Variants in ANKRD12 observed in about 807,000 individuals in gnomAD.
ANKRD12 encodes ankyrin repeat domain 12.
Under a neutral mutation model 183.4 loss-of-function variants are expected in ANKRD12, and 85 were observed. That is an observed-to-expected ratio of 0.46 (90% CI 0.39 to 0.56). The LOEUF (loss-of-function observed/expected upper bound fraction) is 0.56. Among genes scored for constraint, ANKRD12 ranks in the 20% least tolerant of loss-of-function variants. The pLI, the probability that ANKRD12 is intolerant of heterozygous loss-of-function variation, is 0.00. For missense variants in ANKRD12, 2,405 were observed against 2,357.1 expected, an observed-to-expected ratio of 1.02 and a Z score of -0.42; for synonymous variants, 914 against 800.2, an observed-to-expected ratio of 1.14 and a Z score of -2.40.
chr18:9,175,131 T>C (rs895763384), intron 1 of ANKRD12, among the ~76,000 whole-genome samples: 2 of 152,080 alleles, frequency 1.3e-5, no homozygotes, highest in African/African-American at 4.8e-5. Context: ...ATTTTTTGTA[T>C]GACCAAAGCA....
chr18:9,171,700 A>G (rs1046575287), intron 1 of ANKRD12, among the ~76,000 whole-genome samples: 1 of 152,094 alleles, frequency 6.6e-6, no homozygotes, highest in African/African-American at 2.4e-5. Context: ...GTTTGGCTGG[A>G]TATGAAATTC....
In ANKRD12 at chr18:9,257,872, AGATACT is replaced by A; in HGVS notation, c.4610_4615del (p.Thr1537_Asp1538del). 1.2e-6 allele frequency: 2 copies of A among 1,613,732 alleles called. No homozygotes were observed. Among genetic ancestry groups the A allele is most frequent in the Non-Finnish European group, 1.7e-6 (2 of 1,179,906 alleles). On this transcript the variant is annotated inframe_deletion, in exon 9 of 13. Coordinates refer to ENST00000262126, the MANE Select transcript of ANKRD12 (RefSeq NM_015208.5). Reference sequence around the variant, plus strand: ...CAGTTCAGATTATTAGTTCTGCTTTAGATACTGATAATGAATCTACAAAAGATACAG... The same window carrying A: ...CAGTTCAGATTATTAGTTCTGCTTTAGATAATGAATCTACAAAAGATACAG...
intron 10 of ANKRD12, among the ~76,000 whole-genome samples, 184 bp downstream of exon 10, chr18:9,264,072 A>G (rs892924982): frequency 3.9e-5 from 6 of 152,174 alleles, no homozygotes; most frequent in African/African-American, 1.4e-4. Flanking sequence ...AGCTGCTCCC[A>G]TATTATAATT....
chr18:9,200,713 A>C (rs953809293), intron 3 of ANKRD12: 1 of 152,212 alleles, frequency 6.6e-6, no homozygotes, highest in African/African-American at 2.4e-5. Context: ...TGTGACCTTC[A>C]AGTGACATAG....
intron 6 of ANKRD12, among the ~76,000 whole-genome samples, chr18:9,214,719 G>A (rs946552444): frequency 1.2e-4 from 19 of 152,218 alleles, no homozygotes; most frequent in African/African-American, 4.6e-4. Flanking sequence ...CTGCAGCTGT[G>A]GTTACCTGCC....
At chr18:9,143,560 A>C (rs1451282132) in intron 1 of ANKRD12, among the ~76,000 whole-genome samples, 1 of 152,182 alleles carries the variant, frequency 6.6e-6, no homozygotes, top group Non-Finnish European at 1.5e-5. Context: ...TCCTGGTTTC[A>C]AGCGATTCTC....
intron 3 of ANKRD12, among the ~76,000 whole-genome samples, chr18:9,196,150 C>CACACACACAT (rs1567903991): frequency 1.5e-5 from 2 of 131,206 alleles, no homozygotes; most frequent in African/African-American, 6.2e-5. Context: ...CACACACACA[C>CACACACACAT]ATTGAGGCTA....
In ANKRD12 at chr18:9,245,262, C is replaced by T. The variant is rs374905806; in HGVS notation, c.944-8949C>T. ...CCCAGGAGTTCGAGAGCAGCCTGGG[C>T]AACATGGCAAAACCCCATTTCTACA... On this transcript the variant is annotated intron_variant, in intron 8 of 12. Transcript: ENST00000262126. Among the ~76,000 whole-genome samples the T allele has an allele frequency of 3.0e-4, 44 of 147,856 alleles. No individual in the cohort carries two copies. The South Asian group carries it at 5.6e-3, about 19-fold the overall frequency.
At chr18:9,231,327 A>G (rs964860296) in intron 8 of ANKRD12, among the ~76,000 whole-genome samples, 7 of 152,090 alleles carry the variant, frequency 4.6e-5, no homozygotes, top group Non-Finnish European at 1.0e-4. Flanking sequence ...TGATCTGTCT[A>G]ATGCTGACAG....
intron 10 of ANKRD12, among the ~76,000 whole-genome samples, chr18:9,268,918 G>T (rs964107996): frequency 4.1e-4 from 63 of 152,318 alleles, no homozygotes; most frequent in African/African-American, 1.5e-3. Flanking sequence ...ACCAACTTCA[G>T]CAAAGTCTCA....
At chr18:9,169,338 T>TG (rs1031349434) in intron 1 of ANKRD12, among the ~76,000 whole-genome samples, 15 of 152,270 alleles carry the variant, frequency 9.9e-5, no homozygotes, top group African/African-American at 3.1e-4. Context: ...CATTATTGTG[T>TG]GGGAGTTTAA....
At chr18:9,142,069 C>T (rs1461951450) in intron 1 of ANKRD12, among the ~76,000 whole-genome samples, 2 of 152,052 alleles carry the variant, frequency 1.3e-5, no homozygotes, top group Admixed American at 6.6e-5. Flanking sequence ...GCTATATAGT[C>T]TCTTATTGTA....
At chr18:9,188,161 A>G (rs1220654768) in intron 2 of ANKRD12, among the ~76,000 whole-genome samples, 2 of 152,216 alleles carry the variant, frequency 1.3e-5, no homozygotes, top group South Asian at 4.1e-4. Flanking sequence ...TAGCCAGAGT[A>G]TCATTGTTTG....
chr18:9,237,201 A>G lies in ANKRD12; in HGVS notation c.943+15202A>G, dbSNP rs1258818793. Among the ~76,000 whole-genome samples, 10 of 152,202 alleles carry G rather than the reference A, an allele frequency of 6.6e-5. No individual in the cohort carries two copies. The South Asian group carries it at 1.7e-3, about 25-fold the overall frequency. On this transcript the variant is annotated intron_variant, in intron 8 of 12. Transcript: ENST00000262126. ...GTCTAGCAACAGCTAACAAAACTCA[A>G]GAGTCCTAGAGATACATACTTGAAA...
intron 10 of ANKRD12, among the ~76,000 whole-genome samples, chr18:9,266,972 C>G (rs570386744): frequency 6.0e-4 from 91 of 152,198 alleles, no homozygotes; most frequent in African/African-American, 2.1e-3. Context: ...CAATCCTAGT[C>G]TCTGATAAAA....
chr18:9,231,377 T>C (rs902795201), intron 8 of ANKRD12, among the ~76,000 whole-genome samples: 5 of 152,214 alleles, frequency 3.3e-5, no homozygotes, highest in African/African-American at 4.8e-5. Flanking sequence ...TATTGGAGTC[T>C]TCCTTTGTAT....
At chr18:9,150,716 T>G (rs1292298573) in intron 1 of ANKRD12, among the ~76,000 whole-genome samples, 1 of 152,166 alleles carries the variant, frequency 6.6e-6, no homozygotes, top group Non-Finnish European at 1.5e-5. Context: ...TGCAGTGGTG[T>G]GATTTCGGCT....
At chr18:9,214,059 T>G (rs766571064) in intron 6 of ANKRD12, among the ~76,000 whole-genome samples, 2 of 151,918 alleles carry the variant, frequency 1.3e-5, no homozygotes, top group African/African-American at 2.4e-5. Flanking sequence ...TCTACTTATA[T>G]GTGGATTTTT....
rs544171525 is a variant in ANKRD12 at position 9,244,263 on chromosome 18, C to A, written c.944-9948C>A. 2.0e-3 allele frequency among the ~76,000 whole-genome samples: 301 copies of A among 152,232 alleles called. 6 individuals are homozygous for A. The highest frequency in any genetic ancestry group is 0.019 in the South Asian group (93 of 4,830). ...ATCAGGTAAAAAGGCTAAAAACATC[C>A]TTGGATATACTTTCTATTCTTTTTC... On this transcript the variant is annotated intron_variant, in intron 8 of 12. Coordinates refer to ENST00000262126, the MANE Select transcript of ANKRD12 (RefSeq NM_015208.5).
Sources: allele counts gnomAD v4.1 joint callset (sites outside exome capture counted in the v4.1 genomes callset), GRCh38; gene constraint gnomAD v4.1.1; transcripts MANE v1.5; gene names NCBI Gene and HGNC (gene_info 2026-07-23, HGNC 2026-07-21).